The following TOPORS variants were observed in gnomAD, a reference collection of about 807,000 sequenced individuals.
TOPORS encodes E3 ubiquitin-protein ligase Topors.
In TOPORS, 25 loss-of-function variants were observed where a neutral mutation model predicts 81.4. The observed-to-expected ratio is 0.31, with a 90% confidence interval of 0.22 to 0.43. The LOEUF is 0.43. Ranked by LOEUF, TOPORS falls within the 20% of genes least tolerant of loss-of-function variation. The pLI is 1.00. For missense variants in TOPORS, 1,101 were observed against 1,267.0 expected, an observed-to-expected ratio of 0.87 and a Z score of 1.99; for synonymous variants, 473 against 456.6, an observed-to-expected ratio of 1.04 and a Z score of -0.46.
rs201329888 is a variant in TOPORS at position 32,541,478 on chromosome 9, A to G, written c.3047T>C (p.Val1016Ala). The G allele has an allele frequency of 2.4e-5, 38 of 1,614,232 alleles. No individual in the cohort carries two copies. The highest frequency in any genetic ancestry group is 3.2e-5 in the Non-Finnish European group (38 of 1,180,028). ...SDLENQPSNI[V>A]SLQTEPSRQL... ...CCTTGATGGCTCAGTTTGAAGAGAC[A>G]CAATGTTACTGGGCTGGTTCTCCAA... Residue 1016 changes from valine (V) to alanine (A), a missense_variant, in exon 3 of 3, where the codon GTG becomes GCG. By Grantham distance (64) the Val-to-Ala change is moderately conservative. Transcript: ENST00000360538.
intron 1 of TOPORS, 111 bp downstream of exon 1, chr9:32,552,323 G>C (rs568239263): frequency 3.7e-5 from 55 of 1,472,496 alleles, no homozygotes; most frequent in East Asian, 3.5e-4. Context: ...GTGGGCGGGC[G>C]CTCGTGCCCG....
chr9:32,541,265 A>C lies in TOPORS; in HGVS notation c.*122T>G, dbSNP rs1182629839. 3.0e-6 allele frequency: 3 copies of C among 1,002,956 alleles called. No homozygotes were observed. Among genetic ancestry groups the C allele is most frequent in the Non-Finnish European group, 4.4e-6 (3 of 688,668 alleles). The allele number at this position is 1,002,956 out of a possible 1,614,324, so 62.1% of individuals were successfully genotyped here. A position where few individuals can be genotyped will look rare whatever the true frequency, so the allele number is the denominator to read the frequency against. On this transcript the variant is annotated 3_prime_UTR_variant, in exon 3 of 3. Transcript: ENST00000360538. ...TTAACACCAAAAAAAAAATCATTTA[A>C]AATATTGTAAGGAGGAAGAGAGTTT...
intron 2 of TOPORS, among the ~76,000 whole-genome samples, chr9:32,546,967 G>C (rs968400929): frequency 2.0e-5 from 3 of 152,226 alleles, no homozygotes; most frequent in Admixed American, 6.5e-5. Flanking sequence ...GAGCCTGGGA[G>C]GTCCAGGCTG....
intron 1 of TOPORS, chr9:32,552,100 C>T (rs1821284067): frequency 1.9e-6 from 1 of 534,142 alleles, no homozygotes. Context: ...GACACGACAG[C>T]ACCTTATCCT....
chr9:32,541,217 GAACA>G lies in TOPORS; in HGVS notation c.*166_*169del. 1.5e-6 allele frequency: 1 copy of G among 672,828 alleles called. No homozygotes were observed. The allele number at this position is 672,828 out of a possible 1,614,324, so 41.7% of individuals were successfully genotyped here. Reference sequence around the variant, plus strand: ...TCTTTGAGGGTGGGACATACATTTTGAACAAATAATGATTTTTACAAATTAACAC... The same window carrying G: ...TCTTTGAGGGTGGGACATACATTTTGAATAATGATTTTTACAAATTAACAC... On this transcript the variant is annotated 3_prime_UTR_variant, in exon 3 of 3. Transcript: ENST00000360538.
chr9:32,547,226 A>C (rs1270500879), intron 2 of TOPORS, among the ~76,000 whole-genome samples: 1 of 140,464 alleles, frequency 7.1e-6, no homozygotes, highest in Non-Finnish European at 1.6e-5. Context: ...AAGAAACATC[A>C]AACAATTGGA....
In TOPORS at chr9:32,550,826, C is replaced by A. The variant is rs1821229804; in HGVS notation, c.146G>T (p.Cys49Phe). 6.2e-7 allele frequency: 1 copy of A among 1,612,836 alleles called. No individual in the cohort carries two copies. The highest frequency in any genetic ancestry group is 8.5e-7 in the Non-Finnish European group (1 of 1,179,714). ...SCRHRPSFLG[C>F]RELAASAPAR... ...TGGGGCGCTCGCCGCGAGCTCCCGG[C>A]AGCCCAGAAAGCTAGGTCGGTGTCG... Residue 49 changes from cysteine to phenylalanine, a missense_variant, in exon 2 of 3, where the codon TGC (cysteine) becomes TTC (phenylalanine). Coordinates refer to ENST00000360538, the MANE Select transcript of TOPORS (RefSeq NM_005802.5).
At chr9:32,551,015 A>G (rs1211275750) in intron 1 of TOPORS, 47 bp from the exon 2 acceptor site, 5 of 1,594,264 alleles carry the variant, frequency 3.1e-6, no homozygotes, top group Non-Finnish European at 4.3e-6. Context: ...GAAGCAGGGC[A>G]GAGAGCGAGA....
chr9:32,546,896 G>A (rs940855263), intron 2 of TOPORS, among the ~76,000 whole-genome samples: 1 of 152,114 alleles, frequency 6.6e-6, no homozygotes, highest in Non-Finnish European at 1.5e-5. Context: ...AATCTTAGCC[G>A]GGCATGATGG....
rs2118969603 is a variant in TOPORS, at chr9:32,544,058, T to C, written c.467A>G (p.Asp156Gly). The C allele has an allele frequency of 1.9e-6, 3 of 1,614,208 alleles. No individual in the cohort carries two copies. Among genetic ancestry groups the C allele is most frequent in the Middle Eastern group, 3.3e-4 (2 of 6,062 alleles). ...CCTTAGGACATACTCCTTGAAGTCATCTTCTGCCCTCACAGAATGGAAAAT... is the reference window on the plus strand; with the variant it reads ...CCTTAGGACATACTCCTTGAAGTCACCTTCTGCCCTCACAGAATGGAAAAT... ...DSIFHSVRAE[D>G]DFKEYVLRPS... is the part of the protein sequence containing the mutation. The change falls in exon 3 of 3, where the codon GAT (aspartate) becomes GGT (glycine). Residue 156 changes from aspartate (D) to glycine (G), a missense_variant. Physicochemically the swap from Asp to Gly is moderately conservative, Grantham distance 94. This residue lies in a region of TOPORS where 10 missense variants were observed against 21.4 expected (regional missense o/e 0.47). Transcript: ENST00000360538.
intron 2 of TOPORS, among the ~76,000 whole-genome samples, chr9:32,546,698 C>A (rs889034340): frequency 2.0e-5 from 3 of 152,086 alleles, no homozygotes; most frequent in African/African-American, 4.8e-5. Context: ...AAAATCTCAA[C>A]AAAGTATGAT....
intron 1 of TOPORS, 115 bp downstream of exon 1, chr9:32,552,319 G>A: frequency 1.4e-6 from 2 of 1,447,600 alleles, no homozygotes; most frequent in South Asian, 1.2e-5. Context: ...GCGAGTGGGC[G>A]GGCGCTCGTG....
In TOPORS at chr9:32,541,812, G is replaced by C. The variant is rs1401332415; in HGVS notation, c.2713C>G (p.Pro905Ala). 4 of 1,614,118 alleles carry C rather than the reference G, an allele frequency of 2.5e-6. No homozygotes were observed. The highest frequency in any genetic ancestry group is 3.4e-6 in the Non-Finnish European group (4 of 1,180,018). ...KHHGDNASRS[P>A]VVITIDSDSD... ...TCACTGTCAATGGTAATTACAACTG[G>C]GGAACGTGAAGCATTATCTCCATGG... Residue 905 changes from proline (P) to alanine (A), a missense_variant, in exon 3 of 3, where the codon CCA becomes GCA. Pro to Ala is a conservative substitution (Grantham distance 27). Transcript: ENST00000360538.
chr9:32,547,010 C>G (rs888774554), intron 2 of TOPORS, among the ~76,000 whole-genome samples: 2 of 151,392 alleles, frequency 1.3e-5, no homozygotes, highest in African/African-American at 4.9e-5. Context: ...CTCACTCCAG[C>G]CTGGGTGACA....
In TOPORS at chr9:32,542,238, A is replaced by G. The variant is rs750552152; in HGVS notation, c.2287T>C (p.Tyr763His). The change falls in exon 3 of 3, where the codon TAC (tyrosine) becomes CAC (histidine). Residue 763 changes from tyrosine (Y) to histidine (H), a missense_variant. Tyr to His is a moderately conservative substitution (Grantham distance 83, BLOSUM62 2). Transcript: ENST00000360538. ...CTCCTTGATCTGTGCCTTTCATAGT[A>G]GTAATACTTCCTCTCACTGTGATTA... is the stretch of plus-strand genomic sequence containing the variant. ...KNNHSERKYY[Y>H]YERHRSRSLS... 6.2e-6 allele frequency: 10 copies of G among 1,614,046 alleles called. No individual in the cohort carries two copies. The African/African-American group carries it at 1.2e-4, about 19-fold the overall frequency.
chr9:32,552,232 A>G, intron 1 of TOPORS: 1 of 672,510 alleles, frequency 1.5e-6, no homozygotes, highest in Non-Finnish European at 2.6e-6. Flanking sequence ...CCTCTCTAAA[A>G]GGCGGGCAAG....
rs949480511 is a variant in TOPORS at position 32,550,886 on chromosome 9, C to G, written c.86G>C (p.Arg29Pro). 6.2e-6 allele frequency: 10 copies of G among 1,612,962 alleles called. No homozygotes were observed. The African/African-American group carries it at 1.2e-4, about 19-fold the overall frequency. Residue 29 changes from arginine (R) to proline (P), a missense_variant, in exon 2 of 3, where the codon CGG becomes CCG. Physicochemically the swap from Arg to Pro is moderately radical, Grantham distance 103. Around this residue, in one of 9 missense-constraint regions of TOPORS, gnomAD observed 131 missense variants for 101.0 expected, o/e 1.30. Coordinates refer to ENST00000360538, the MANE Select transcript of TOPORS (RefSeq NM_005802.5). ...GCGAAGGCGTACCCGGCGACTTCTC[C>G]GCCTACCCTCCGAAGCGGGAGCAGG... Reference protein sequence around the residue: ...PPPAPASEGRRRSRRVRLRGS... With the variant: ...PPPAPASEGRPRSRRVRLRGS...
At position 32,544,326 on chromosome 9, in the gene TOPORS, T is replaced by C. The variant is rs764390837; in HGVS notation, c.199A>G (p.Ile67Val). Reference sequence around the variant, plus strand: ...AATTCCTTAGCAGCTGATGCCATTATCTGTAAAAGGGAAAGAAATATATCA... The same window carrying C: ...AATTCCTTAGCAGCTGATGCCATTACCTGTAAAAGGGAAAGAAATATATCA... ...PARPAPASSE[I>V]MASAAKEFKM... is the part of the protein sequence containing the mutation. Residue 67 changes from isoleucine to valine, a missense_variant and splice_region_variant, in exon 3 of 3, where the codon ATA becomes GTA. Coordinates refer to ENST00000360538, the MANE Select transcript of TOPORS (RefSeq NM_005802.5). 1.2e-6 allele frequency: 2 copies of C among 1,600,022 alleles called. No individual in the cohort carries two copies. The highest frequency in any genetic ancestry group is 1.7e-6 in the Non-Finnish European group (2 of 1,179,904).
In TOPORS at chr9:32,541,247, C is replaced by T; in HGVS notation, c.*140G>A. ...AATAATGATTTTTACAAATTAACAC[C>T]AAAAAAAAAATCATTTAAAATATTG... On this transcript the variant is annotated 3_prime_UTR_variant, in exon 3 of 3. Transcript: ENST00000360538. 2 of 779,962 alleles carry T rather than the reference C, an allele frequency of 2.6e-6. No homozygotes were observed. Among genetic ancestry groups the T allele is most frequent in the Middle Eastern group, 4.0e-4 (1 of 2,528 alleles). 48.3% of individuals were successfully genotyped at this position (779,962 alleles called of 1,614,324 possible). A position where few individuals can be genotyped will look rare whatever the true frequency, so the allele number is the denominator to read the frequency against.
Sources: gnomAD v4.1 joint callset for allele counts (sites outside exome capture counted in the v4.1 genomes callset) on GRCh38, gnomAD v4.1.1 for gene constraint, gnomAD v4.1.1 regional missense constraint, MANE v1.5 for transcripts, NCBI Gene and HGNC (gene_info 2026-07-23, HGNC 2026-07-21) for gene names.